EML6: variants seen among roughly 807,000 people sequenced by gnomAD.
The protein encoded by EML6 is EMAP like 6.
Under a neutral mutation model 240.1 loss-of-function variants are expected in EML6, and 154 were observed. That is an observed-to-expected ratio of 0.64 (90% CI 0.56 to 0.73). The LOEUF is 0.73. EML6 is among the 30% of genes least tolerant of loss of function. The pLI is 0.00. For missense variants in EML6, 2,964 were observed against 2,474.6 expected (o/e 1.20, Z -4.20); for synonymous variants, 1,148 against 899.0 (o/e 1.28, Z -4.95).
At chr2:54,793,084 A>G (rs1487279666) in intron 2 of EML6, among the ~76,000 whole-genome samples, 1 of 152,154 alleles carries the variant, frequency 6.6e-6, no homozygotes, top group African/African-American at 2.4e-5. Flanking sequence ...TCTCGTCAAC[A>G]TCGTGTAACT....
chr2:54,775,154 C>A (rs1346843508), intron 2 of EML6, among the ~76,000 whole-genome samples: 2 of 152,128 alleles, frequency 1.3e-5, no homozygotes, highest in Non-Finnish European at 2.9e-5. Context: ...TTATGGTAGC[C>A]AAAATAAGCC....
intron 3 of EML6, among the ~76,000 whole-genome samples, chr2:54,814,090 A>C (rs1047042013): frequency 5.3e-5 from 8 of 152,180 alleles, no homozygotes; most frequent in African/African-American, 1.9e-4. Context: ...AACCAATAAG[A>C]GCTTGGAGTA....
chr2:54,923,307 A>C (rs1674357238), intron 26 of EML6, among the ~76,000 whole-genome samples: 1 of 151,182 alleles, frequency 6.6e-6, no homozygotes. Context: ...GACTGTATTT[A>C]ATTATACTGT....
At chr2:54,737,529 C>T (rs1171729738) in intron 2 of EML6, among the ~76,000 whole-genome samples, 1 of 152,112 alleles carries the variant, frequency 6.6e-6, no homozygotes, top group African/African-American at 2.4e-5. Context: ...GAACTCCTGA[C>T]CTTAATAATG....
At chr2:54,728,088 A>G (rs1456208742) in intron 2 of EML6, among the ~76,000 whole-genome samples, 2 of 152,258 alleles carry the variant, frequency 1.3e-5, no homozygotes, top group Non-Finnish European at 2.9e-5. Flanking sequence ...TTTAATTCAG[A>G]TAACAGATTA....
intron 28 of EML6, among the ~76,000 whole-genome samples, chr2:54,941,255 G>A (rs888608940): frequency 5.3e-5 from 8 of 152,096 alleles, no homozygotes; most frequent in African/African-American, 1.9e-4. Flanking sequence ...ATTTATTTCT[G>A]TTGGGACCAT....
chr2:54,789,148 G>A (rs2103890629), intron 2 of EML6, among the ~76,000 whole-genome samples: 1 of 152,198 alleles, frequency 6.6e-6, no homozygotes, highest in East Asian at 1.9e-4. Flanking sequence ...AGATACTTGC[G>A]TAAACAAACA....
chr2:54,937,836 C>T (rs975636940), intron 28 of EML6, among the ~76,000 whole-genome samples: 8 of 152,150 alleles, frequency 5.3e-5, no homozygotes. Flanking sequence ...TAATTAAATA[C>T]TGTTTGTATT....
At chr2:54,936,268 C>G (rs10153551) in intron 28 of EML6, among the ~76,000 whole-genome samples, 48,083 of 152,104 alleles carry the variant, frequency 0.32, 7,956 homozygotes, top group African/African-American at 0.35. Flanking sequence ...CTAATAATAT[C>G]TCTAAGTGTG....
intron 2 of EML6, among the ~76,000 whole-genome samples, chr2:54,786,104 C>G (rs72917512): frequency 7.3e-5 from 11 of 151,706 alleles, no homozygotes; most frequent in Admixed American, 2.6e-4. Context: ...TTGTAGGGAG[C>G]CTTCTGTTTT....
Position 54,954,163 on chromosome 2 carries a change from C to A in EML6, c.4486+7C>A. ...GTCTGGCGATGGCAGGAAGGTAAAC[C>A]AGCACTGGGCTTTCTGTCCCTCCAG... On this transcript the variant is annotated splice_region_variant and intron_variant, in intron 32 of 41. Coordinates refer to ENST00000356458, the MANE Select transcript of EML6 (RefSeq NM_001039753.4). 6.5e-7 allele frequency: 1 copy of A among 1,549,390 alleles called. No homozygotes were observed. Among genetic ancestry groups the A allele is most frequent in the Non-Finnish European group, 8.7e-7 (1 of 1,145,848 alleles).
At chr2:54,797,521 C>G (rs147291869) in intron 2 of EML6, among the ~76,000 whole-genome samples, 1 of 151,968 alleles carries the variant, frequency 6.6e-6, no homozygotes, top group Non-Finnish European at 1.5e-5. Flanking sequence ...GCGAGTCACA[C>G]AAATATTTTG....
intron 5 of EML6, among the ~76,000 whole-genome samples, chr2:54,823,576 T>G (rs193240618): frequency 2.0e-5 from 3 of 152,282 alleles, no homozygotes; most frequent in Admixed American, 2.0e-4. Flanking sequence ...AACGTGAGTT[T>G]CTGATCAGAC....
chr2:54,853,524 G>A, intron 10 of EML6, 119 bp from the exon 11 acceptor site: 3 of 700,262 alleles, frequency 4.3e-6, no homozygotes, highest in East Asian at 5.9e-5. Context: ...GGGATAAAGA[G>A]ATTAAAATAT....
At chr2:54,960,395 C>T in intron 35 of EML6, 61 bp downstream of exon 35, 4 of 1,238,522 alleles carry the variant, frequency 3.2e-6, no homozygotes, top group Non-Finnish European at 4.6e-6. Flanking sequence ...AGGTACCCTC[C>T]CAGCCGGCAC....
At chr2:54,847,400 G>T (rs1471784528) in intron 8 of EML6, 86 bp from the exon 9 acceptor site, 100 of 1,385,692 alleles carry the variant, frequency 7.2e-5, no homozygotes, top group Non-Finnish European at 9.5e-5. Flanking sequence ...TACTGTTGGT[G>T]TGGTGAGCAG....
chr2:54,955,638 C>A (rs1676197075), intron 32 of EML6, among the ~76,000 whole-genome samples: 1 of 152,208 alleles, frequency 6.6e-6, no homozygotes, highest in South Asian at 2.1e-4. Flanking sequence ...ACTCCCTCTA[C>A]CTGTCCTCCA....
At chr2:54,901,705 T>C (rs2104209488) in intron 22 of EML6, among the ~76,000 whole-genome samples, 1 of 152,276 alleles carries the variant, frequency 6.6e-6, no homozygotes, top group East Asian at 1.9e-4. Flanking sequence ...GCACGTCAGT[T>C]TTGAGCATGA....
intron 2 of EML6, among the ~76,000 whole-genome samples, chr2:54,788,351 C>T (rs538099075): frequency 3.2e-4 from 49 of 152,324 alleles, no homozygotes; most frequent in Admixed American, 3.3e-4. Context: ...GAACCTAACT[C>T]CCTTCCTGGT....
Sources: gnomAD v4.1 joint callset for allele counts (sites outside exome capture counted in the v4.1 genomes callset) on GRCh38, gnomAD v4.1.1 for gene constraint, MANE v1.5 for transcripts, NCBI Gene and HGNC (gene_info 2026-07-23, HGNC 2026-07-21) for gene names.